The following GPC6 variants were observed in gnomAD, a reference collection of about 807,000 sequenced individuals.
The protein encoded by GPC6 is glypican-6.
Under a neutral mutation model 55.2 loss-of-function variants are expected in GPC6, and 14 were observed. The ratio of observed to expected loss-of-function variants is 0.25; its 90% CI spans 0.17 to 0.40. GPC6 has a LOEUF of 0.40. GPC6 is among the 10% of genes least tolerant of loss of function. The pLI is 1.00. For synonymous variants in GPC6, 278 were observed against 259.6 expected (o/e 1.07, Z -0.68); for missense variants, 641 against 708.5 (o/e 0.90, Z 1.08).
Position 93,420,537 on chromosome 13 carries a change from G to T in GPC6, c.161-124726G>T, listed in dbSNP as rs1594157453. On this transcript the variant is annotated intron_variant, in intron 1 of 8. Coordinates refer to ENST00000377047, the MANE Select transcript of GPC6 (RefSeq NM_005708.5). ...GAGAATTCTGCAGAAGGCAGATTTT[G>T]CTGGACCTTGAAGACTATGATATGG... Among the ~76,000 whole-genome samples the T allele has an allele frequency of 3.9e-5, 6 of 152,306 alleles. No homozygotes were observed. In the South Asian group the frequency reaches 1.2e-3, roughly 32 times the overall value.
chr13:93,875,548 G>A (rs1442309290), intron 3 of GPC6, among the ~76,000 whole-genome samples: 1 of 152,044 alleles, frequency 6.6e-6, no homozygotes, highest in African/African-American at 2.4e-5. Flanking sequence ...ACAAAGGTAA[G>A]ATGCGTCAGG....
chr13:93,391,523 G>C (rs1209924956), intron 1 of GPC6, among the ~76,000 whole-genome samples: 1 of 152,182 alleles, frequency 6.6e-6, no homozygotes, highest in Non-Finnish European at 1.5e-5. Flanking sequence ...AGGAGTAAGT[G>C]TTGCTTTGTA....
chr13:94,129,528 C>T (rs1289349647), intron 4 of GPC6, among the ~76,000 whole-genome samples: 1 of 152,088 alleles, frequency 6.6e-6, no homozygotes, highest in Admixed American at 6.6e-5. Flanking sequence ...GTGGTTCTGC[C>T]TCCCACTCTT....
At chr13:93,280,779 G>A (rs1006013486) in intron 1 of GPC6, among the ~76,000 whole-genome samples, 5 of 152,216 alleles carry the variant, frequency 3.3e-5, no homozygotes, top group East Asian at 1.9e-4. Flanking sequence ...GGACAGGGCC[G>A]GGGATGCGGC....
intron 3 of GPC6, among the ~76,000 whole-genome samples, chr13:93,870,352 G>A (rs938105879): frequency 5.9e-5 from 9 of 151,752 alleles, no homozygotes; most frequent in East Asian, 1.9e-4. Context: ...CCACTATTAC[G>A]AAGAAAAAGT....
chr13:94,163,548 G>C (rs1340607040), intron 4 of GPC6, among the ~76,000 whole-genome samples: 3 of 152,066 alleles, frequency 2.0e-5, no homozygotes. Context: ...TTTATGGGAG[G>C]TATTTTTAAA....
chr13:93,935,551 T>C (rs1165297648), intron 3 of GPC6, among the ~76,000 whole-genome samples: 1 of 152,220 alleles, frequency 6.6e-6, no homozygotes, highest in African/African-American at 2.4e-5. Context: ...AATAGTGCTG[T>C]GATGAACATA....
chr13:93,794,106 C>A (rs1886128412), intron 2 of GPC6, among the ~76,000 whole-genome samples: 1 of 152,166 alleles, frequency 6.6e-6, no homozygotes, highest in Non-Finnish European at 1.5e-5. Flanking sequence ...AAGCTCTTGG[C>A]ATTTGTTCTC....
At chr13:93,945,384 T>C (rs1878957036) in intron 3 of GPC6, among the ~76,000 whole-genome samples, 1 of 152,208 alleles carries the variant, frequency 6.6e-6, no homozygotes, top group African/African-American at 2.4e-5. Flanking sequence ...TCATCACTTG[T>C]ATTTGGCAGA....
intron 3 of GPC6, among the ~76,000 whole-genome samples, chr13:93,838,640 A>G (rs73551755): frequency 0.033 from 4,974 of 152,290 alleles, 104 homozygotes; most frequent in South Asian, 0.064. Context: ...CAGGGAGCTG[A>G]TAAACTGGCT....
chr13:93,707,635 A>G (rs1341479245), intron 2 of GPC6, among the ~76,000 whole-genome samples: 1 of 151,838 alleles, frequency 6.6e-6, no homozygotes, highest in East Asian at 1.9e-4. Context: ...GTTTGCCTGA[A>G]GCTGAAATAC....
intron 4 of GPC6, 134 bp downstream of exon 4, chr13:94,028,028 G>A: frequency 4.8e-6 from 4 of 831,270 alleles, no homozygotes; most frequent in Non-Finnish European, 6.0e-6. Context: ...ACTTTGGGAG[G>A]CCAGTACAGA....
chr13:93,362,576 G>A (rs991679855), intron 1 of GPC6, among the ~76,000 whole-genome samples: 2 of 152,076 alleles, frequency 1.3e-5, no homozygotes, highest in African/African-American at 2.4e-5. Flanking sequence ...AGTTCTGCTC[G>A]AGTACTGTCA....
At chr13:94,175,978 A>C (rs1377476650) in intron 4 of GPC6, among the ~76,000 whole-genome samples, 1 of 145,378 alleles carries the variant, frequency 6.9e-6, no homozygotes, top group Non-Finnish European at 1.5e-5. Flanking sequence ...AGAGAGAGAG[A>C]GAGAGAGAGA....
At chr13:93,765,819 G>C (rs1054746811) in intron 2 of GPC6, among the ~76,000 whole-genome samples, 1 of 152,192 alleles carries the variant, frequency 6.6e-6, no homozygotes, top group African/African-American at 2.4e-5. Flanking sequence ...GAATGGGCCT[G>C]TGCCTCCAAG....
At chr13:93,925,919 G>A (rs1036158752) in intron 3 of GPC6, among the ~76,000 whole-genome samples, 1 of 152,096 alleles carries the variant, frequency 6.6e-6, no homozygotes, top group Non-Finnish European at 1.5e-5. Context: ...TTGTCCTCTC[G>A]GCTGTGATGA....
chr13:93,873,873 C>T (rs1031845332), intron 3 of GPC6, among the ~76,000 whole-genome samples: 1 of 151,854 alleles, frequency 6.6e-6, no homozygotes, highest in African/African-American at 2.4e-5. Flanking sequence ...CTTTCTCTCA[C>T]TGTGCACACT....
At chr13:93,594,381 C>T (rs1877635688) in intron 2 of GPC6, among the ~76,000 whole-genome samples, 1 of 152,044 alleles carries the variant, frequency 6.6e-6, no homozygotes, top group Non-Finnish European at 1.5e-5. Flanking sequence ...CATATGTCCT[C>T]ATCATTTAGC....
intron 1 of GPC6, among the ~76,000 whole-genome samples, chr13:93,468,578 A>G (rs1210598500): frequency 6.6e-6 from 1 of 152,106 alleles, no homozygotes; most frequent in Non-Finnish European, 1.5e-5. Flanking sequence ...TTTAATATGT[A>G]CATAGAAAGT....
Sources: allele counts gnomAD v4.1 joint callset (sites outside exome capture counted in the v4.1 genomes callset), GRCh38; gene constraint gnomAD v4.1.1; transcripts MANE v1.5; gene names NCBI Gene and HGNC (gene_info 2026-07-23, HGNC 2026-07-21).